The following TTC22 variants were observed in gnomAD, a reference collection of about 807,000 sequenced individuals.
TTC22 encodes tetratricopeptide repeat protein 22.
Under a neutral mutation model 48.2 loss-of-function variants are expected in TTC22, and 42 were observed. That is an observed-to-expected ratio of 0.87 (90% confidence interval 0.68 to 1.13). TTC22 has a LOEUF of 1.13. TTC22 is among the 50% of genes most tolerant of loss of function. The pLI is 0.00. For missense variants in TTC22, 784 were observed against 807.0 expected (o/e 0.97, Z 0.34); for synonymous variants, 345 against 365.5 (o/e 0.94, Z 0.64).
At chr1:54,788,297 A>T (rs1646322215) in intron 1 of TTC22, among the ~76,000 whole-genome samples, 200 bp from the exon 2 acceptor site, 1 of 152,106 alleles carries the variant, frequency 6.6e-6, no homozygotes, top group African/African-American at 2.4e-5. Context: ...TTCTCTGACT[A>T]CAGAGACTTT....
Position 54,801,202 on chromosome 1 carries a change from T to C in TTC22, c.-39A>G. ...GCTCCCCTGGCCTCACCCTTGTCCC[T>C]GAGGCTGTGGAGGGCAGTGGATGGG... On this transcript the variant is annotated 5_prime_UTR_variant, in exon 1 of 7. Transcript: ENST00000371276. 1 of 1,596,510 alleles carries C rather than the reference T, an allele frequency of 6.3e-7. No individual in the cohort carries two copies. Among genetic ancestry groups the C allele is most frequent in the South Asian group, 1.1e-5 (1 of 90,064 alleles).
chr1:54,790,944 C>T (rs909054762), intron 1 of TTC22, among the ~76,000 whole-genome samples: 1 of 152,212 alleles, frequency 6.6e-6, no homozygotes. Flanking sequence ...CTCACTGCAA[C>T]ATCTGCCTCC....
chr1:54,781,687 CG>C lies in TTC22; in HGVS notation c.1265del (p.Ala422GlyfsTer67). 1 of 1,530,430 alleles carries C rather than the reference CG, an allele frequency of 6.5e-7. No individual in the cohort carries two copies. The highest frequency in any genetic ancestry group is 8.7e-7 in the Non-Finnish European group (1 of 1,144,174). 94.8% of individuals were successfully genotyped at this position (1,530,430 alleles called of 1,614,324 possible). On this transcript the variant is annotated frameshift_variant, in exon 7 of 7. Coordinates refer to ENST00000371276, the MANE Select transcript of TTC22 (RefSeq NM_001114108.2). LOFTEE classifies it high-confidence loss of function. Reference sequence around the variant, plus strand: ...GCGTGGCACCCAGCTCCGACTCGCCCGCCTTGGCCAGGAACACCAGCGCCTG... The same window carrying C: ...GCGTGGCACCCAGCTCCGACTCGCCCCCTTGGCCAGGAACACCAGCGCCTG... Reference protein sequence around the residue: ...LNQALVFLAKAGESELGATLP... With the variant: ...LNQALVFLAKXGESELGATLP...
intron 2 of TTC22, 93 bp from the exon 3 acceptor site, chr1:54,787,919 G>A (rs1217748036): frequency 1.4e-5 from 21 of 1,465,182 alleles, no homozygotes; most frequent in Admixed American, 1.8e-5. Context: ...GTGGGGGGTG[G>A]CGGTTTGGGG....
At chr1:54,799,388 G>A (rs1444556791) in intron 1 of TTC22, among the ~76,000 whole-genome samples, 1 of 151,314 alleles carries the variant, frequency 6.6e-6, no homozygotes, top group Non-Finnish European at 1.5e-5. Flanking sequence ...CCCAGTGAAC[G>A]GCCTCCTAAG....
rs752300695 is a variant in TTC22 at position 54,800,553 on chromosome 1, C to T, written c.567+44G>A. ...GCAGACAGAAGGGACCATGGGAGGA[C>T]CACAGTCCTCCCAGAGGGAGGTAGG... On this transcript the variant is annotated intron_variant, in intron 1 of 6. Transcript: ENST00000371276. 8 of 1,411,062 alleles carry T rather than the reference C, an allele frequency of 5.7e-6. No homozygotes were observed. The South Asian group carries it at 1.2e-4, about 21-fold the overall frequency. The allele number at this position is 1,411,062 out of a possible 1,614,324, so 87.4% of individuals were successfully genotyped here.
chr1:54,794,838 C>T (rs919785120), intron 1 of TTC22: 1 of 152,460 alleles, frequency 6.6e-6, no homozygotes, highest in Non-Finnish European at 1.5e-5. Context: ...TCCAATGCCC[C>T]TGTTGTTTCC....
At position 54,780,714 on chromosome 1, in the gene TTC22, C is replaced by G. The variant is rs1646255249; in HGVS notation, c.*529G>C. On this transcript the variant is annotated 3_prime_UTR_variant, in exon 7 of 7. Transcript: ENST00000371276. ...CACGAGGCTTAGGCTAGGGCCCTGT[C>G]CCGTAACTCACTCGCCGTGCCACCC... 1 of 152,362 alleles carries G rather than the reference C, an allele frequency of 6.6e-6. No homozygotes were observed. The highest frequency in any genetic ancestry group is 1.5e-5 in the Non-Finnish European group (1 of 68,154). The allele number at this position is 152,362 out of a possible 1,614,324, so 9.4% of individuals were successfully genotyped here.
At position 54,782,434 on chromosome 1, in the gene TTC22, A is replaced by G. The variant is rs900347414; in HGVS notation, c.1064T>C (p.Met355Thr). The G allele has an allele frequency of 9.5e-5, 147 of 1,551,194 alleles. No homozygotes were observed. The highest frequency in any genetic ancestry group is 1.1e-4 in the Non-Finnish European group (130 of 1,146,822). Residue 355 changes from methionine to threonine, a missense_variant, in exon 6 of 7, where the codon ATG (methionine) becomes ACG (threonine). Physicochemically the swap from Met to Thr is moderately conservative, Grantham distance 81. Transcript: ENST00000371276. ...CCTGTCAGGCATGCCCCCGAGACCC[A>G]TCTTGGCCCGCTTGAGGTCATGCAG... ...AYLHDLKRAK[M>T]GLGGMPDRNH... is the part of the protein sequence containing the mutation.
intron 6 of TTC22, 102 bp from the exon 7 acceptor site, chr1:54,781,881 T>G: frequency 9.7e-7 from 1 of 1,025,944 alleles, no homozygotes; most frequent in Non-Finnish European, 1.3e-6. Context: ...CCTTCACTCA[T>G]TCCCACCCTC....
At position 54,801,151 on chromosome 1, in the gene TTC22, C is replaced by T; in HGVS notation, c.13G>A (p.Glu5Lys). The change falls in exon 1 of 7, where the codon GAG becomes AAG. Residue 5 changes from glutamate to lysine, a missense_variant. Coordinates refer to ENST00000371276, the MANE Select transcript of TTC22 (RefSeq NM_001114108.2). ...GCGTCTAGATCGTCGGCCACAGCCT[C>T]CAGCTCCGCCATGACTGCTCCCTCT... MAEL[E>K]AVADDLDALI... 1 of 1,610,862 alleles carries T rather than the reference C, an allele frequency of 6.2e-7. No individual in the cohort carries two copies. The highest frequency in any genetic ancestry group is 8.5e-7 in the Non-Finnish European group (1 of 1,178,430).
rs1487695860 is a variant in TTC22 at position 54,801,252 on chromosome 1, C to A, written c.-89G>T. The A allele has an allele frequency of 1.4e-6, 2 of 1,386,822 alleles. No homozygotes were observed. Among genetic ancestry groups the A allele is most frequent in the African/African-American group, 2.9e-5 (2 of 67,870 alleles). 85.9% of individuals were successfully genotyped at this position (1,386,822 alleles called of 1,614,324 possible). On this transcript the variant is annotated 5_prime_UTR_variant, in exon 1 of 7. Coordinates refer to ENST00000371276, the MANE Select transcript of TTC22 (RefSeq NM_001114108.2). ...GGGCGTTCCCCGAGCGAGCTCCGTG[C>A]GGGAGGCGAGGGGCAGCCGGCAGAG... is the stretch of plus-strand genomic sequence containing the variant.
intron 6 of TTC22, 48 bp from the exon 7 acceptor site, chr1:54,781,827 A>G: frequency 7.3e-7 from 1 of 1,373,294 alleles, no homozygotes; most frequent in Non-Finnish European, 9.4e-7. Flanking sequence ...GCGCGGCTCC[A>G]CGCTCATTCC....
In TTC22 at chr1:54,781,601, G is replaced by A; in HGVS notation, c.1352C>T (p.Ala451Val). The A allele has an allele frequency of 2.6e-6, 4 of 1,524,726 alleles. No individual in the cohort carries two copies. Among genetic ancestry groups the A allele is most frequent in the Admixed American group, 2.0e-5 (1 of 50,312 alleles). 94.4% of individuals were successfully genotyped at this position (1,524,726 alleles called of 1,614,324 possible). Residue 451 changes from alanine (A) to valine (V), a missense_variant, in exon 7 of 7, where the codon GCG becomes GTG. Ala to Val is a moderately conservative substitution (Grantham distance 64). Transcript: ENST00000371276. ...CACTGCGCGCTTGAAGCAGGCGGCC[G>A]CGTTGGCGTCCTCGCCCTTGATGCG... ...CLRIKGEDAN[A>V]AACFKRAVEL... is the part of the protein sequence containing the mutation.
chr1:54,788,163 C>T, intron 1 of TTC22, 66 bp from the exon 2 acceptor site: 11 of 1,497,512 alleles, frequency 7.3e-6, no homozygotes, highest in Non-Finnish European at 9.3e-6. Context: ...TCATAAACTC[C>T]CACACTCACT....
chr1:54,786,205 AACAG>A, intron 4 of TTC22, 61 bp from the exon 5 acceptor site: 1 of 1,500,218 alleles, frequency 6.7e-7, no homozygotes, highest in Non-Finnish European at 9.2e-7. Context: ...GAGCTGGCTA[AACAG>A]TGCTGAACCA....
rs1165449924 is a variant in TTC22, at chr1:54,779,844, C to T, written c.*1399G>A. Reference sequence around the variant, plus strand: ...CTTCTATGGCTCTCAGTTTTCCCATCTGCACAATGAGGGGGTTGGAGTGTG... The same window carrying T: ...CTTCTATGGCTCTCAGTTTTCCCATTTGCACAATGAGGGGGTTGGAGTGTG... On this transcript the variant is annotated 3_prime_UTR_variant, in exon 7 of 7. Transcript: ENST00000371276. 1.3e-5 allele frequency: 2 copies of T among 152,210 alleles called. No individual in the cohort carries two copies. Among genetic ancestry groups the T allele is most frequent in the Non-Finnish European group, 2.9e-5 (2 of 68,062 alleles). 9.4% of individuals were successfully genotyped at this position (152,210 alleles called of 1,614,324 possible).
intron 3 of TTC22, 174 bp downstream of exon 3, chr1:54,787,537 C>T: frequency 1.6e-6 from 1 of 620,886 alleles, no homozygotes; most frequent in Non-Finnish European, 2.9e-6. Context: ...TTGGCATGTT[C>T]ACTTGGGCAA....
At chr1:54,785,713 T>C (rs1005698640) in intron 5 of TTC22, 37 of 443,266 alleles carry the variant, frequency 8.3e-5, no homozygotes, top group Non-Finnish European at 6.7e-5. Flanking sequence ...TTTGGGAGGC[T>C]GAGGCGGGAG....
Sources: gnomAD v4.1 joint callset for allele counts (sites outside exome capture counted in the v4.1 genomes callset) on GRCh38, gnomAD v4.1.1 for gene constraint, MANE v1.5 for transcripts, NCBI Gene and HGNC (gene_info 2026-07-23, HGNC 2026-07-21) for gene names.